TTLL11: variants seen among roughly 807,000 people sequenced by gnomAD.
TTLL11 encodes tubulin polyglutamylase TTLL11.
A neutral mutation model predicts 51.7 loss-of-function variants in TTLL11; 42 were observed. That is an observed-to-expected ratio of 0.81 (90% CI 0.64 to 1.05). The LOEUF (loss-of-function observed/expected upper bound fraction) is 1.05, where lower values mean the gene tolerates loss of function less well. TTLL11 is among the 50% of genes least tolerant of loss of function. TTLL11 has a pLI of 0.00. For missense variants in TTLL11, 799 were observed against 940.4 expected, an observed-to-expected ratio of 0.85 and a Z score of 1.97; for synonymous variants, 381 against 383.5, an observed-to-expected ratio of 0.99 and a Z score of 0.08.
Position 121,867,637 on chromosome 9 carries a change from C to T in TTLL11, c.1733+2860G>A, listed in dbSNP as rs1588081461. Among the ~76,000 whole-genome samples the T allele has an allele frequency of 4.0e-5, 6 of 150,282 alleles. 1 individual carries two copies. The Admixed American group carries it at 4.0e-4, about 10-fold the overall frequency. ...TGCATGCCATCCATTCTCAGGCTCTCCCTGCTGCCTGGAAAAATCCTGCTT... is the reference window on the plus strand; with the variant it reads ...TGCATGCCATCCATTCTCAGGCTCTTCCTGCTGCCTGGAAAAATCCTGCTT... On this transcript the variant is annotated intron_variant, in intron 7 of 8. Transcript: ENST00000321582.
intron 6 of TTLL11, among the ~76,000 whole-genome samples, chr9:121,916,175 G>A (rs1049179604): frequency 3.9e-5 from 6 of 152,158 alleles, no homozygotes; most frequent in Admixed American, 2.6e-4. Context: ...AATGATGTCC[G>A]GATCTGTATC....
chr9:122,089,451 T>G (rs1220637276), intron 1 of TTLL11, among the ~76,000 whole-genome samples: 1 of 152,152 alleles, frequency 6.6e-6, no homozygotes, highest in Non-Finnish European at 1.5e-5. Flanking sequence ...GTACCAGGGA[T>G]ATATATATAT....
chr9:121,912,801 G>T lies in TTLL11; in HGVS notation c.1482-42053C>A, dbSNP rs555640729. 1.5e-4 allele frequency among the ~76,000 whole-genome samples: 22 copies of T among 151,550 alleles called. 1 individual carries two copies. The highest frequency in any genetic ancestry group is 3.4e-3 in the Middle Eastern group (1 of 294). ...TGAGTTTGAGGCAGTCTCTAAGTGT[G>T]TGATCTCTAAGCCCCATAAAGATCC... On this transcript the variant is annotated intron_variant, in intron 6 of 8. Transcript: ENST00000321582.
intron 6 of TTLL11, among the ~76,000 whole-genome samples, chr9:121,893,135 T>C (rs1195409907): frequency 6.6e-6 from 1 of 152,230 alleles, no homozygotes; most frequent in African/African-American, 2.4e-5. Flanking sequence ...TTCTTTTTCC[T>C]ATTTTATGCC....
At chr9:122,083,734 C>T (rs1394086623) in intron 1 of TTLL11, among the ~76,000 whole-genome samples, 3 of 152,014 alleles carry the variant, frequency 2.0e-5, no homozygotes, top group African/African-American at 7.2e-5. Flanking sequence ...TGCTTGAACC[C>T]GGGAGGCAGA....
chr9:121,870,454 A>C, intron 7 of TTLL11, 43 bp downstream of exon 7: 1 of 1,531,716 alleles, frequency 6.5e-7, no homozygotes, highest in Non-Finnish European at 8.8e-7. Context: ...ACTGGACTCC[A>C]CCCAGCCCAA....
At chr9:121,914,751 A>G (rs968124453) in intron 6 of TTLL11, among the ~76,000 whole-genome samples, 6 of 152,044 alleles carry the variant, frequency 3.9e-5, no homozygotes, top group African/African-American at 1.2e-4. Flanking sequence ...TCCCCTGCAC[A>G]CCACGGTGCT....
At position 122,018,205 on chromosome 9, in the gene TTLL11, T is replaced by C. The variant is rs568489404; in HGVS notation, c.693+13518A>G. ...TCCACTCACTGCAAGCTCTACCTCC[T>C]GGGTTCACGTCATTCTTCTGCCTCA... On this transcript the variant is annotated intron_variant, in intron 3 of 8. Coordinates refer to ENST00000321582, the MANE Select transcript of TTLL11 (RefSeq NM_001139442.2). Among the ~76,000 whole-genome samples the C allele has an allele frequency of 1.1e-4, 17 of 149,446 alleles. No homozygotes were observed. In the South Asian group the frequency reaches 3.2e-3, roughly 28 times the overall value.
chr9:121,824,057 T>C (rs1252412104), intron 8 of TTLL11, among the ~76,000 whole-genome samples: 1 of 152,154 alleles, frequency 6.6e-6, no homozygotes, highest in Non-Finnish European at 1.5e-5. Context: ...TGCCCAGAGG[T>C]GCTCAGTATA....
chr9:121,913,480 A>G (rs1362950889), intron 6 of TTLL11, among the ~76,000 whole-genome samples: 3 of 152,242 alleles, frequency 2.0e-5, no homozygotes, highest in Admixed American at 6.5e-5. Flanking sequence ...CTTAGAAAAT[A>G]CAAGCAAATT....
intron 8 of TTLL11, among the ~76,000 whole-genome samples, chr9:121,834,557 G>T (rs969173456): frequency 1.3e-5 from 2 of 150,606 alleles, no homozygotes; most frequent in South Asian, 4.4e-4. Flanking sequence ...GGCCAGGCGC[G>T]GTGGCTCACG....
At chr9:121,828,101 C>T (rs766707525) in intron 8 of TTLL11, among the ~76,000 whole-genome samples, 10 of 151,988 alleles carry the variant, frequency 6.6e-5, no homozygotes, top group Non-Finnish European at 1.3e-4. Context: ...CATGTTCTTG[C>T]GGAATGACCT....
At chr9:121,910,313 T>C (rs1296489961) in intron 6 of TTLL11, among the ~76,000 whole-genome samples, 1 of 152,248 alleles carries the variant, frequency 6.6e-6, no homozygotes, top group Admixed American at 6.5e-5. Context: ...CATGAGGTAC[T>C]TCTGATATCA....
intron 1 of TTLL11, among the ~76,000 whole-genome samples, chr9:122,070,475 G>A (rs948957887): frequency 3.3e-5 from 5 of 152,010 alleles, no homozygotes; most frequent in African/African-American, 1.2e-4. Context: ...TCCCACCTGA[G>A]GTACCTTGTC....
At chr9:122,087,877 G>A (rs908567621) in intron 1 of TTLL11, among the ~76,000 whole-genome samples, 1 of 152,226 alleles carries the variant, frequency 6.6e-6, no homozygotes, top group African/African-American at 2.4e-5. Flanking sequence ...TGGTGACTCT[G>A]TAAACATGAT....
intron 6 of TTLL11, among the ~76,000 whole-genome samples, chr9:121,928,219 C>T (rs1462288601): frequency 1.3e-5 from 2 of 152,182 alleles, no homozygotes; most frequent in African/African-American, 2.4e-5. Flanking sequence ...AGAGGTACTA[C>T]TTCTAGAAAA....
chr9:122,060,799 G>A (rs1191090948), intron 1 of TTLL11, among the ~76,000 whole-genome samples: 1 of 152,194 alleles, frequency 6.6e-6, no homozygotes, highest in East Asian at 1.9e-4. Flanking sequence ...TATGCTGTGG[G>A]AGATTATTAG....
At chr9:121,924,555 T>C (rs894957538) in intron 6 of TTLL11, among the ~76,000 whole-genome samples, 3 of 152,010 alleles carry the variant, frequency 2.0e-5, no homozygotes, top group African/African-American at 7.3e-5. Flanking sequence ...CCAAGCAAGA[T>C]CGGGGAAGGA....
At chr9:121,943,069 G>C (rs150334223) in intron 6 of TTLL11, among the ~76,000 whole-genome samples, 1 of 152,164 alleles carries the variant, frequency 6.6e-6, no homozygotes, top group Non-Finnish European at 1.5e-5. Flanking sequence ...TCACACGATC[G>C]TGAAATGAGA....
Sources: allele counts gnomAD v4.1 joint callset (sites outside exome capture counted in the v4.1 genomes callset), GRCh38; gene constraint gnomAD v4.1.1; transcripts MANE v1.5; gene names NCBI Gene and HGNC (gene_info 2026-07-23, HGNC 2026-07-21).